The following DYNC2H1 variants were observed in gnomAD, a reference collection of about 807,000 sequenced individuals.
The protein encoded by DYNC2H1 is cytoplasmic dynein 2 heavy chain 1.
A neutral mutation model predicts 570.0 loss-of-function variants in DYNC2H1; 410 were observed. That is an observed-to-expected ratio of 0.72 (90% CI 0.66 to 0.78). The LOEUF is 0.78. Ranked by LOEUF, DYNC2H1 falls within the 30% of genes least tolerant of loss-of-function variation. The pLI, the probability that DYNC2H1 is intolerant of heterozygous loss-of-function variation, is 0.00. For synonymous variants in DYNC2H1, 1,688 were observed against 1,677.6 expected, an observed-to-expected ratio of 1.01 and a Z score of -0.15; for missense variants, 4,865 against 5,046.4, an observed-to-expected ratio of 0.96 and a Z score of 1.09.
intron 31 of DYNC2H1, among the ~76,000 whole-genome samples, chr11:103,168,068 G>A (rs1565360920): frequency 6.6e-6 from 1 of 152,138 alleles, no homozygotes; most frequent in East Asian, 1.9e-4. Flanking sequence ...TCAGCCTTCT[G>A]TTTTGTTTCT....
intron 87 of DYNC2H1, among the ~76,000 whole-genome samples, chr11:103,463,786 A>T (rs1945099646): frequency 6.6e-6 from 1 of 152,160 alleles, no homozygotes; most frequent in Admixed American, 6.5e-5. Flanking sequence ...GCTGTTGCAG[A>T]ATCACTGATT....
Position 103,374,434 on chromosome 11 carries a change from T to C in DYNC2H1, c.12156+16075T>C, listed in dbSNP as rs1176459862. On this transcript the variant is annotated intron_variant, in intron 83 of 88. Transcript: ENST00000375735. The stretch of plus-strand genomic sequence containing the variant: ...TAATACAGTAAATTGGTACCAGGAG[T>C]GGGGCATTGCTATAAGATACCCAAG... Among the ~76,000 whole-genome samples, 3 of 151,914 alleles carry C rather than the reference T, an allele frequency of 2.0e-5. No individual in the cohort carries two copies. The East Asian group carries it at 5.8e-4, about 29-fold the overall frequency.
chr11:103,156,539 T>A lies in DYNC2H1; in HGVS notation c.3896T>A (p.Val1299Glu), dbSNP rs368405645. Residue 1299 changes from valine (V) to glutamate (E), a missense_variant, in exon 26 of 89, where the codon GTA becomes GAA. Val to Glu is a moderately radical substitution (Grantham distance 121). Around this residue, in one of 5 missense-constraint regions of DYNC2H1, gnomAD observed 1,936 missense variants for 1,962.1 expected, o/e 0.99. Transcript: ENST00000375735. ...CTGATTAAAGACTGGAAAGATATAG[T>A]AAATCAGGTTGGAGATAATAGATGC... ...MKLIKDWKDIVNQVGDNRCLL... is the reference protein window; with the variant it reads ...MKLIKDWKDIENQVGDNRCLL... 1.9e-6 allele frequency: 3 copies of A among 1,613,626 alleles called. No individual in the cohort carries two copies. Among genetic ancestry groups the A allele is most frequent in the Non-Finnish European group, 1.7e-6 (2 of 1,179,742 alleles).
In DYNC2H1 at chr11:103,152,185, C is replaced by T. The variant is rs753542063; in HGVS notation, c.2996C>T (p.Thr999Ile). The change falls in exon 21 of 89, where the codon ACT (threonine) becomes ATT (isoleucine). Residue 999 changes from threonine to isoleucine, a missense_variant. Physicochemically the swap from Thr to Ile is moderately conservative, Grantham distance 89. Around this residue, in one of 5 missense-constraint regions of DYNC2H1, gnomAD observed 1,936 missense variants for 1,962.1 expected, o/e 0.99. Transcript: ENST00000375735. ...GAAGACAAAAACAGACTTTTACGAA[C>T]TGTGGCTGGTGGAGGTTTAGAAACA... ...EAEDKNRLLR[T>I]VAGGGLETIS... The T allele has an allele frequency of 1.0e-5, 16 of 1,606,576 alleles. No homozygotes were observed. In the Admixed American group the frequency reaches 2.7e-4, roughly 27 times the overall value.
intron 83 of DYNC2H1, among the ~76,000 whole-genome samples, chr11:103,378,835 A>T (rs900532761): frequency 6.6e-6 from 1 of 152,128 alleles, no homozygotes; most frequent in African/African-American, 2.4e-5. Flanking sequence ...AATATTACTC[A>T]TTGGTCTTTT....
At chr11:103,388,621 T>A (rs1350926856) in intron 83 of DYNC2H1, among the ~76,000 whole-genome samples, 1 of 152,228 alleles carries the variant, frequency 6.6e-6, no homozygotes, top group Non-Finnish European at 1.5e-5. Context: ...GCCCATTCAG[T>A]ATGATATTGG....
At chr11:103,278,135 T>C (rs1865983490) in intron 70 of DYNC2H1, among the ~76,000 whole-genome samples, 1 of 152,092 alleles carries the variant, frequency 6.6e-6, no homozygotes, top group Non-Finnish European at 1.5e-5. Flanking sequence ...TATTTGTAGC[T>C]GGAATGTTTT....
rs2134993956 is a variant in DYNC2H1, at chr11:103,177,527, C to A, written c.5875-29C>A. 1 of 1,572,778 alleles carries A rather than the reference C, an allele frequency of 6.4e-7. No individual in the cohort carries two copies. The highest frequency in any genetic ancestry group is 8.6e-7 in the Non-Finnish European group (1 of 1,164,230). On this transcript the variant is annotated intron_variant, in intron 37 of 88. Coordinates refer to ENST00000375735, the MANE Select transcript of DYNC2H1 (RefSeq NM_001377.3). This position sits in a 1 kb window ranked among gnomAD's most constrained non-coding sequence, Gnocchi z 4.4. ...CTAAGTATGATTGAATATTATAAAT[C>A]ATATATGAACATATTTCTTTCCTAC...
At chr11:103,281,390 T>C (rs894665675) in intron 71 of DYNC2H1, among the ~76,000 whole-genome samples, 3 of 152,054 alleles carry the variant, frequency 2.0e-5, no homozygotes, top group African/African-American at 7.2e-5. Flanking sequence ...TCCTAAAGTA[T>C]AAACAAATTG....
intron 82 of DYNC2H1, among the ~76,000 whole-genome samples, chr11:103,346,300 A>G (rs550194287): frequency 1.1e-3 from 174 of 152,330 alleles, no homozygotes; most frequent in African/African-American, 4.0e-3. Context: ...GAAATCGGAA[A>G]GCTTAAGTTT....
chr11:103,295,052 C>T (rs1428638640), intron 75 of DYNC2H1, among the ~76,000 whole-genome samples: 1 of 152,044 alleles, frequency 6.6e-6, no homozygotes, highest in Non-Finnish European at 1.5e-5. Flanking sequence ...ATTGGTGTTA[C>T]ACTGGGTCAC....
At chr11:103,197,591 G>T (rs1300244691) in intron 47 of DYNC2H1, among the ~76,000 whole-genome samples, 1 of 152,074 alleles carries the variant, frequency 6.6e-6, no homozygotes, top group African/African-American at 2.4e-5. Flanking sequence ...AGGACCACAG[G>T]TGCGTGCCAC....
chr11:103,242,241 A>G (rs1280925978), intron 63 of DYNC2H1, among the ~76,000 whole-genome samples: 1 of 152,208 alleles, frequency 6.6e-6, no homozygotes, highest in Non-Finnish European at 1.5e-5. Flanking sequence ...CTAAACATAC[A>G]TACTATAATA....
At chr11:103,353,560 T>C (rs1940156145) in intron 82 of DYNC2H1, among the ~76,000 whole-genome samples, 1 of 152,202 alleles carries the variant, frequency 6.6e-6, no homozygotes, top group Non-Finnish European at 1.5e-5. Context: ...CCATTACTTT[T>C]AATGACAAAG....
chr11:103,143,486 A>T, intron 18 of DYNC2H1, 91 bp downstream of exon 18: 1 of 1,299,850 alleles, frequency 7.7e-7, no homozygotes, highest in Non-Finnish European at 1.0e-6. Context: ...TTGAAGTCAC[A>T]TCAGCTTCTT....
Position 103,121,465 on chromosome 11 carries a change from G to A in DYNC2H1, c.1454G>A (p.Ser485Asn), listed in dbSNP as rs779488462. Reference sequence around the variant, plus strand: ...AAAAATCTTTCAGAAGTTGTCAACAGTATAGTTTGGGTTCGCCAGTTGGAA... The same window carrying A: ...AAAAATCTTTCAGAAGTTGTCAACAATATAGTTTGGGTTCGCCAGTTGGAA... ...SGKNLSEVVN[S>N]IVWVRQLELK... is the part of the protein sequence containing the mutation. The change falls in exon 10 of 89, where the codon AGT becomes AAT. Residue 485 changes from serine (S) to asparagine (N), a missense_variant. By Grantham distance (46) the Ser-to-Asn change is conservative. Transcript: ENST00000375735. 6.2e-7 allele frequency: 1 copy of A among 1,613,062 alleles called. No individual in the cohort carries two copies. The highest frequency in any genetic ancestry group is 8.5e-7 in the Non-Finnish European group (1 of 1,179,468).
intron 83 of DYNC2H1, among the ~76,000 whole-genome samples, chr11:103,383,107 G>C (rs191782963): frequency 1.8e-4 from 27 of 152,280 alleles, no homozygotes; most frequent in Admixed American, 9.2e-4. Context: ...ATGTGTTTGA[G>C]GGGGGGATTC....
chr11:103,276,422 G>GA (rs1565455311), intron 70 of DYNC2H1, among the ~76,000 whole-genome samples: 1 of 151,926 alleles, frequency 6.6e-6, no homozygotes, highest in African/African-American at 2.4e-5. Flanking sequence ...TACAATATGG[G>GA]AAAAGCTATA....
chr11:103,350,540 A>G (rs900857554), intron 82 of DYNC2H1, among the ~76,000 whole-genome samples: 2 of 152,270 alleles, frequency 1.3e-5, no homozygotes, highest in East Asian at 3.9e-4. Flanking sequence ...GCTTCATTTT[A>G]TAGATACCAT....
Sources: gnomAD v4.1 joint callset for allele counts (sites outside exome capture counted in the v4.1 genomes callset) on GRCh38, gnomAD v4.1.1 for gene constraint, gnomAD v4.1.1 regional missense constraint, Gnocchi (gnomAD v3.1) non-coding constraint, MANE v1.5 for transcripts, NCBI Gene and HGNC (gene_info 2026-07-23, HGNC 2026-07-21) for gene names.